PPARGC1A: variants seen among roughly 807,000 people sequenced by gnomAD.
PPARGC1A encodes peroxisome proliferator-activated receptor gamma coactivator 1-alpha.
PPARGC1A carries 25 observed loss-of-function variants against 88.7 expected under a neutral mutation model. The ratio of observed to expected loss-of-function variants is 0.28; its 90% CI spans 0.21 to 0.39. The LOEUF (loss-of-function observed/expected upper bound fraction) is 0.39, where lower values mean the gene tolerates loss of function less well. PPARGC1A is among the 10% of genes least tolerant of loss of function. The probability of loss-of-function intolerance (pLI) is 1.00; values close to 1 mark genes in which losing one functional copy is unlikely to be tolerated. For synonymous variants in PPARGC1A, 363 were observed against 355.6 expected (o/e 1.02, Z -0.24); for missense variants, 880 against 968.7 (o/e 0.91, Z 1.22).
At chr4:23,957,966 T>C in the PPARGC1A span, among the ~76,000 whole-genome samples, 59 of 152,198 alleles carry the variant, frequency 3.9e-4, no homozygotes, top group Non-Finnish European at 6.9e-4. Context: ...CTGAAAATTG[T>C]AGTTTTGCAG....
At chr4:23,805,168 C>T (rs1022814760) in intron 10 of PPARGC1A, among the ~76,000 whole-genome samples, 27 of 151,804 alleles carry the variant, frequency 1.8e-4, no homozygotes, top group African/African-American at 6.5e-4. Flanking sequence ...AAGAGTGGTC[C>T]TTCTTCTCTG....
chr4:24,270,370 C>T, the PPARGC1A span, among the ~76,000 whole-genome samples: 4 of 98,548 alleles, frequency 4.1e-5, no homozygotes, highest in African/African-American at 7.9e-5. Context: ...TGTGTAAAAT[C>T]GGCTCTTGGG....
the PPARGC1A span, among the ~76,000 whole-genome samples, chr4:23,994,575 G>T: frequency 6.6e-6 from 1 of 152,094 alleles, no homozygotes; most frequent in Non-Finnish European, 1.5e-5. Context: ...ACACTTTCAG[G>T]TTTCCATCTA....
chr4:23,942,702 A>G, the PPARGC1A span, among the ~76,000 whole-genome samples: 2 of 152,176 alleles, frequency 1.3e-5, no homozygotes, highest in African/African-American at 4.8e-5. Flanking sequence ...TTCTTTCATA[A>G]TCACCTCCCA....
At chr4:24,303,469 C>A in the PPARGC1A span, among the ~76,000 whole-genome samples, 3 of 152,136 alleles carry the variant, frequency 2.0e-5, no homozygotes, top group African/African-American at 7.2e-5. Flanking sequence ...TTTTCAATTA[C>A]AGAAATAGAA....
chr4:24,063,832 G>C, the PPARGC1A span, among the ~76,000 whole-genome samples: 1 of 152,234 alleles, frequency 6.6e-6, no homozygotes, highest in South Asian at 2.1e-4. Flanking sequence ...CTCGTTCAAT[G>C]CCTCCCCATC....
chr4:24,444,987 G>A, the PPARGC1A span, among the ~76,000 whole-genome samples: 1 of 152,026 alleles, frequency 6.6e-6, no homozygotes. Context: ...AGGAGGTGGA[G>A]GTTGCAGTGA....
At chr4:24,089,656 G>A in the PPARGC1A span, among the ~76,000 whole-genome samples, 168 of 151,886 alleles carry the variant, frequency 1.1e-3, no homozygotes, top group Non-Finnish European at 2.1e-3. Context: ...GACTACAGGC[G>A]CCCGCCGCCA....
At chr4:24,091,928 TACACAC>T in the PPARGC1A span, among the ~76,000 whole-genome samples, 1 of 147,750 alleles carries the variant, frequency 6.8e-6, no homozygotes, top group South Asian at 2.2e-4. Context: ...CTTGCCCCAA[TACACAC>T]ACACACACAC....
the PPARGC1A span, among the ~76,000 whole-genome samples, chr4:24,102,349 G>A: frequency 6.6e-6 from 1 of 152,036 alleles, no homozygotes; most frequent in African/African-American, 2.4e-5. Flanking sequence ...CTACACAACA[G>A]TGATGTCCAC....
chr4:24,237,023 G>A, the PPARGC1A span, among the ~76,000 whole-genome samples: 3 of 152,138 alleles, frequency 2.0e-5, no homozygotes, highest in Non-Finnish European at 4.4e-5. Context: ...TATTATTGGG[G>A]AATTGGGTGG....
the PPARGC1A span, among the ~76,000 whole-genome samples, chr4:24,046,868 T>C: frequency 6.6e-5 from 10 of 152,288 alleles, no homozygotes; most frequent in African/African-American, 1.9e-4. Flanking sequence ...AGGTCCACCA[T>C]AGAGTTCTGG....
chr4:24,264,118 T>TATAAC, the PPARGC1A span, among the ~76,000 whole-genome samples: 3,517 of 152,296 alleles, frequency 0.023, 137 homozygotes, highest in African/African-American at 0.08. Context: ...ATAGAATACT[T>TATAAC]ATATAAAATA....
Position 23,884,777 on chromosome 4 carries a change from T to C in PPARGC1A, c.209A>G (p.Asn70Ser). Reference sequence around the variant, plus strand: ...CTCAAATATGTTTGAAGGCTCATTGTTGTACTGATTGGATATTATTTCTGA... The same window carrying C: ...CTCAAATATGTTTGAAGGCTCATTGCTGTACTGATTGGATATTATTTCTGA... ...DQSEIISNQY[N>S]NEPSNIFEKI... is the part of the protein sequence containing the mutation. Residue 70 changes from asparagine (N) to serine (S), a missense_variant, in exon 2 of 13, where the codon AAC (asparagine) becomes AGC (serine). Transcript: ENST00000264867. The C allele has an allele frequency of 2.5e-6, 4 of 1,613,740 alleles. No homozygotes were observed. Among genetic ancestry groups the C allele is most frequent in the Non-Finnish European group, 3.4e-6 (4 of 1,179,810 alleles).
At chr4:23,975,144 G>A in the PPARGC1A span, among the ~76,000 whole-genome samples, 1 of 151,990 alleles carries the variant, frequency 6.6e-6, no homozygotes, top group Admixed American at 6.6e-5. Flanking sequence ...TCTGCCCTTG[G>A]TTTCTTTATC....
the PPARGC1A span, among the ~76,000 whole-genome samples, chr4:23,946,556 T>G: frequency 2.0e-5 from 1 of 50,392 alleles, no homozygotes; most frequent in Non-Finnish European, 4.8e-5. Flanking sequence ...TACTCTGGTG[T>G]GCCAGGAACT....
chr4:24,394,628 C>T, the PPARGC1A span, among the ~76,000 whole-genome samples: 1 of 152,154 alleles, frequency 6.6e-6, no homozygotes, highest in Non-Finnish European at 1.5e-5. Context: ...TGTTCCTCCC[C>T]AATGGTACCA....
chr4:24,050,438 C>T, the PPARGC1A span, among the ~76,000 whole-genome samples: 2 of 151,844 alleles, frequency 1.3e-5, no homozygotes, highest in Non-Finnish European at 2.9e-5. Flanking sequence ...CCTTGTGATC[C>T]GCCCACCTCA....
At chr4:24,382,120 G>A in the PPARGC1A span, among the ~76,000 whole-genome samples, 11 of 151,730 alleles carry the variant, frequency 7.2e-5, no homozygotes, top group East Asian at 1.9e-4. Context: ...ATATTCAGTC[G>A]GACATTATAA....
Sources: allele counts gnomAD v4.1 joint callset (sites outside exome capture counted in the v4.1 genomes callset), GRCh38; gene constraint gnomAD v4.1.1; transcripts MANE v1.5; gene names NCBI Gene and HGNC (gene_info 2026-07-23, HGNC 2026-07-21).